MSH3: variants seen among roughly 807,000 people sequenced by gnomAD.
MSH3 encodes the protein DNA mismatch repair protein Msh3.
A neutral mutation model predicts 123.3 loss-of-function variants in MSH3; 106 were observed. That is an observed-to-expected ratio of 0.86 (90% CI 0.73 to 1.01). The LOEUF (loss-of-function observed/expected upper bound fraction) is 1.01, where lower values mean the gene tolerates loss of function less well. Ranked by LOEUF, MSH3 falls within the 50% of genes least tolerant of loss-of-function variation. The pLI is 0.00. For synonymous variants in MSH3, 515 were observed against 481.4 expected, an observed-to-expected ratio of 1.07 and a Z score of -0.91; for missense variants, 1,459 against 1,347.6, an observed-to-expected ratio of 1.08 and a Z score of -1.29.
chr5:80,680,612 A>C (rs1749953298), intron 8 of MSH3, among the ~76,000 whole-genome samples: 1 of 151,894 alleles, frequency 6.6e-6, no homozygotes, highest in African/African-American at 2.4e-5. Flanking sequence ...CATTTTTAAA[A>C]ACTTTATTGC....
At chr5:80,832,573 T>C (rs1471434944) in intron 20 of MSH3, among the ~76,000 whole-genome samples, 2 of 151,554 alleles carry the variant, frequency 1.3e-5, no homozygotes, top group Admixed American at 1.3e-4. Context: ...AAGCTGAGAT[T>C]GTCCCACTGC....
intron 20 of MSH3, among the ~76,000 whole-genome samples, chr5:80,848,273 G>A (rs1296228628): frequency 2.0e-5 from 3 of 152,054 alleles, no homozygotes; most frequent in Non-Finnish European, 2.9e-5. Flanking sequence ...ATACAGCATC[G>A]AATTTTAATT....
chr5:80,742,999 A>C (rs1743644444), intron 11 of MSH3, among the ~76,000 whole-genome samples: 1 of 152,178 alleles, frequency 6.6e-6, no homozygotes, highest in Non-Finnish European at 1.5e-5. Flanking sequence ...GCACCATTTT[A>C]GAAGCCGAAG....
At position 80,782,896 on chromosome 5, in the gene MSH3, A is replaced by G. The variant is rs542144309; in HGVS notation, c.2435+4060A>G. Among the ~76,000 whole-genome samples the G allele has an allele frequency of 1.1e-4, 17 of 152,322 alleles. No individual in the cohort carries two copies. In the South Asian group the frequency reaches 3.5e-3, roughly 32 times the overall value. On this transcript the variant is annotated intron_variant, in intron 17 of 23. Coordinates refer to ENST00000265081, the MANE Select transcript of MSH3 (RefSeq NM_002439.5). ...GTACTAACTGTTGTGCATTAGTCAC[A>G]TTACTTTTGATCAAAATGTTGTCAG...
intron 23 of MSH3, among the ~76,000 whole-genome samples, chr5:80,873,821 ACGC>A (rs1410473011): frequency 8.5e-5 from 13 of 152,196 alleles, no homozygotes; most frequent in Non-Finnish European, 1.5e-4. Flanking sequence ...TTCCACCTTT[ACGC>A]TTGCTATCCA....
At chr5:80,774,402 C>T (rs1212947458) in intron 15 of MSH3, among the ~76,000 whole-genome samples, 1 of 138,260 alleles carries the variant, frequency 7.2e-6, no homozygotes, top group Non-Finnish European at 1.5e-5. Flanking sequence ...GTTTGGAGGT[C>T]CCTCAAAAAA....
chr5:80,656,285 G>T, intron 1 of MSH3, 126 bp from the exon 2 acceptor site: 1 of 1,266,022 alleles, frequency 7.9e-7, no homozygotes, highest in Non-Finnish European at 1.1e-6. Flanking sequence ...GCTAAAAGTA[G>T]AGGATTCTTT....
intron 1 of MSH3, 23 bp downstream of exon 1, chr5:80,654,987 C>A: frequency 1.4e-6 from 2 of 1,384,214 alleles, no homozygotes; most frequent in South Asian, 1.4e-5. Flanking sequence ...TGGGACTGGG[C>A]AGGGCCATCG....
intron 18 of MSH3, among the ~76,000 whole-genome samples, chr5:80,789,754 G>C (rs1182628650): frequency 2.0e-5 from 3 of 152,168 alleles, no homozygotes; most frequent in African/African-American, 7.2e-5. Flanking sequence ...TAGGAAAGTA[G>C]TATTTATTGG....
chr5:80,678,100 T>C (rs550182236), intron 7 of MSH3, among the ~76,000 whole-genome samples: 6 of 152,314 alleles, frequency 3.9e-5, no homozygotes, highest in Admixed American at 3.3e-4. Context: ...TATATGAACA[T>C]AGGGATTGGT....
At chr5:80,774,712 A>G (rs993680227) in intron 15 of MSH3, among the ~76,000 whole-genome samples, 1 of 152,222 alleles carries the variant, frequency 6.6e-6, no homozygotes, top group African/African-American at 2.4e-5. Flanking sequence ...AGCCAGGTGC[A>G]GAAAGACAAA....
At chr5:80,821,112 A>G (rs1049120840) in intron 20 of MSH3, among the ~76,000 whole-genome samples, 7 of 152,230 alleles carry the variant, frequency 4.6e-5, no homozygotes, top group African/African-American at 1.7e-4. Context: ...CCTGACATAT[A>G]GTAGTTCCTT....
intron 21 of MSH3, among the ~76,000 whole-genome samples, chr5:80,855,284 C>T (rs1215268288): frequency 2.6e-5 from 4 of 151,176 alleles, no homozygotes; most frequent in Non-Finnish European, 5.9e-5. Flanking sequence ...GTCATTGTGT[C>T]TTCCCTCATT....
intron 22 of MSH3, among the ~76,000 whole-genome samples, chr5:80,870,562 TG>T (rs1260684386): frequency 2.6e-5 from 4 of 152,200 alleles, no homozygotes; most frequent in African/African-American, 9.7e-5. Context: ...CTTCCGCACC[TG>T]TGTTTCTCAA....
Position 80,665,203 on chromosome 5 carries a change from T to G in MSH3, c.419T>G (p.Phe140Cys). 2 of 1,614,152 alleles carry G rather than the reference T, an allele frequency of 1.2e-6. No individual in the cohort carries two copies. The highest frequency in any genetic ancestry group is 1.7e-6 in the Non-Finnish European group (2 of 1,179,994). Residue 140 changes from phenylalanine (F) to cysteine (C), a missense_variant, in exon 3 of 24, where the codon TTC becomes TGC. Phe to Cys is a radical substitution (Grantham distance 205). Coordinates refer to ENST00000265081, the MANE Select transcript of MSH3 (RefSeq NM_002439.5). Reference protein sequence around the residue: ...VSKSLEKLKEFCCDSALPQSR... With the variant: ...VSKSLEKLKECCCDSALPQSR... ...AAGTCTCTGGAAAAATTGAAAGAAT[T>G]CTGCTGCGATTCTGCCCTTCCTCAA...
At chr5:80,762,915 C>T (rs550290851) in intron 13 of MSH3, among the ~76,000 whole-genome samples, 9 of 151,746 alleles carry the variant, frequency 5.9e-5, no homozygotes, top group Non-Finnish European at 8.8e-5. Flanking sequence ...GGCGTGATCT[C>T]GGCTCACTGC....
chr5:80,847,153 G>A (rs569452801), intron 20 of MSH3, among the ~76,000 whole-genome samples: 11 of 152,124 alleles, frequency 7.2e-5, no homozygotes, highest in Admixed American at 2.0e-4. Context: ...TCTGCCTCCC[G>A]GGCTCAAGCG....
chr5:80,750,265 T>C (rs1743809667), intron 12 of MSH3, among the ~76,000 whole-genome samples: 1 of 152,168 alleles, frequency 6.6e-6, no homozygotes, highest in South Asian at 2.1e-4. Flanking sequence ...AGAAATGGAA[T>C]TGCTGGATCA....
At chr5:80,694,625 A>G (rs1750428127) in intron 8 of MSH3, among the ~76,000 whole-genome samples, 1 of 151,502 alleles carries the variant, frequency 6.6e-6, no homozygotes, top group Non-Finnish European at 1.5e-5. Flanking sequence ...TTGTTTAGAG[A>G]ACTTCCTTTA....
Sources: allele counts gnomAD v4.1 joint callset (sites outside exome capture counted in the v4.1 genomes callset), GRCh38; gene constraint gnomAD v4.1.1; transcripts MANE v1.5; gene names NCBI Gene and HGNC (gene_info 2026-07-23, HGNC 2026-07-21).